NTM: variants seen among roughly 807,000 people sequenced by gnomAD.
The protein encoded by NTM is IgLON family member 2.
A neutral mutation model predicts 42.1 loss-of-function variants in NTM; 13 were observed. The observed-to-expected ratio is 0.31, with a 90% CI of 0.20 to 0.49. The LOEUF (loss-of-function observed/expected upper bound fraction) is 0.49. NTM is among the 20% of genes least tolerant of loss of function. The probability of loss-of-function intolerance (pLI) is 0.99; values close to 1 mark genes in which losing one functional copy is unlikely to be tolerated. For synonymous variants in NTM, 187 were observed against 179.2 expected, an observed-to-expected ratio of 1.04 and a Z score of -0.35; for missense variants, 373 against 452.8, an observed-to-expected ratio of 0.82 and a Z score of 1.60.
intron 4 of NTM, among the ~76,000 whole-genome samples, chr11:132,217,753 T>G (rs991422304): frequency 6.6e-6 from 1 of 152,018 alleles, no homozygotes; most frequent in African/African-American, 2.4e-5. Context: ...GACATTTGAC[T>G]GCCCTGTTTC....
rs149373750 is a variant in NTM at position 131,929,110 on chromosome 11, G to A, written c.167+17462G>A. ...TAAGTGGCCGCACAATGCAATGTCCGGTAGTGCTGAATGCTCTGAAGAGGA... is the reference window on the plus strand; with the variant it reads ...TAAGTGGCCGCACAATGCAATGTCCAGTAGTGCTGAATGCTCTGAAGAGGA... On this transcript the variant is annotated intron_variant, in intron 2 of 8. Coordinates refer to ENST00000683400, the MANE Select transcript of NTM (RefSeq NM_001352005.2). Among the ~76,000 whole-genome samples the A allele has an allele frequency of 2.8e-3, 423 of 152,360 alleles. 3 individuals carry two copies. The highest frequency in any genetic ancestry group is 9.4e-3 in the African/African-American group (389 of 41,586).
At chr11:132,077,512 C>T (rs1336881652) in intron 2 of NTM, among the ~76,000 whole-genome samples, 4 of 152,126 alleles carry the variant, frequency 2.6e-5, no homozygotes, top group Non-Finnish European at 4.4e-5. Flanking sequence ...CTTCAACCCC[C>T]ACTATCTAAC....
chr11:131,694,279 C>A (rs2075155215), intron 1 of NTM, among the ~76,000 whole-genome samples: 1 of 152,234 alleles, frequency 6.6e-6, no homozygotes, highest in Admixed American at 6.5e-5. Context: ...ACTTGTTACC[C>A]TTGCAGCATC....
At chr11:131,548,692 CTTTA>C (rs2054263380) in intron 1 of NTM, among the ~76,000 whole-genome samples, 1 of 152,128 alleles carries the variant, frequency 6.6e-6, no homozygotes, top group Non-Finnish European at 1.5e-5. Context: ...ACAAGTGTTG[CTTTA>C]TTTATTTATG....
At chr11:132,291,190 C>T (rs551805623) in intron 4 of NTM, among the ~76,000 whole-genome samples, 12 of 151,888 alleles carry the variant, frequency 7.9e-5, no homozygotes, top group African/African-American at 2.4e-4. Flanking sequence ...TCCAGCAGAC[C>T]CCTCCAGTTG....
At chr11:131,876,259 G>A (rs1447433608) in intron 1 of NTM, among the ~76,000 whole-genome samples, 3 of 152,218 alleles carry the variant, frequency 2.0e-5, no homozygotes, top group Non-Finnish European at 4.4e-5. Flanking sequence ...ACACTTGTGT[G>A]CGTGCAGTGA....
chr11:131,886,864 T>C (rs2050491086), intron 1 of NTM, among the ~76,000 whole-genome samples: 1 of 152,252 alleles, frequency 6.6e-6, no homozygotes, highest in Non-Finnish European at 1.5e-5. Flanking sequence ...GCTGGGATGA[T>C]ACTAAGACCT....
At chr11:131,902,507 T>C (rs1236396264) in intron 1 of NTM, among the ~76,000 whole-genome samples, 2 of 152,244 alleles carry the variant, frequency 1.3e-5, no homozygotes, top group African/African-American at 4.8e-5. Flanking sequence ...ATCCAGTTCC[T>C]GCTTCCCCAA....
intron 2 of NTM, among the ~76,000 whole-genome samples, chr11:131,981,803 G>C (rs543196239): frequency 1.3e-5 from 2 of 152,112 alleles, no homozygotes; most frequent in Non-Finnish European, 2.9e-5. Context: ...CTGAGGTCAG[G>C]AGTTCAAGAC....
At chr11:131,442,872 A>G (rs780671274) in intron 1 of NTM, among the ~76,000 whole-genome samples, 7 of 152,054 alleles carry the variant, frequency 4.6e-5, no homozygotes, top group African/African-American at 4.8e-5. Context: ...TCTTTATGCA[A>G]TCAATCATTG....
intron 2 of NTM, among the ~76,000 whole-genome samples, chr11:131,967,451 C>T (rs534478670): frequency 4.6e-5 from 7 of 152,078 alleles, no homozygotes; most frequent in Non-Finnish European, 8.8e-5. Context: ...GCAGAGACCA[C>T]GCTGAGGTCA....
chr11:131,834,146 CT>C (rs2043180110), intron 1 of NTM, among the ~76,000 whole-genome samples: 1 of 152,166 alleles, frequency 6.6e-6, no homozygotes, highest in South Asian at 2.1e-4. Flanking sequence ...TGTTTAGTCT[CT>C]GTTTAATTCT....
chr11:131,905,852 C>T (rs1341035864), intron 1 of NTM, among the ~76,000 whole-genome samples: 1 of 152,106 alleles, frequency 6.6e-6, no homozygotes, highest in African/African-American at 2.4e-5. Flanking sequence ...CTCCTAATAC[C>T]CCTTCCAGTG....
chr11:131,562,152 G>A (rs943312937), intron 1 of NTM, among the ~76,000 whole-genome samples: 2 of 152,168 alleles, frequency 1.3e-5, no homozygotes, highest in African/African-American at 4.8e-5. Context: ...GGAGGATGCA[G>A]CCAGTCAGGC....
At chr11:131,820,062 T>C (rs2093119971) in intron 1 of NTM, among the ~76,000 whole-genome samples, 1 of 152,342 alleles carries the variant, frequency 6.6e-6, no homozygotes, top group South Asian at 2.1e-4. Flanking sequence ...CTCACTTTTC[T>C]TATTAACTAA....
chr11:131,980,136 A>G (rs1323655918), intron 2 of NTM, among the ~76,000 whole-genome samples: 2 of 152,210 alleles, frequency 1.3e-5, no homozygotes, highest in African/African-American at 4.8e-5. Flanking sequence ...TCAAAGGAAA[A>G]TTCAAGGTAT....
intron 2 of NTM, among the ~76,000 whole-genome samples, chr11:132,006,823 C>A (rs2070902037): frequency 6.6e-6 from 1 of 152,216 alleles, no homozygotes; most frequent in African/African-American, 2.4e-5. Context: ...TAGCCTGGGG[C>A]ACCACTGTGG....
At chr11:131,598,587 G>T (rs1461857516) in intron 1 of NTM, among the ~76,000 whole-genome samples, 1 of 152,112 alleles carries the variant, frequency 6.6e-6, no homozygotes, top group Non-Finnish European at 1.5e-5. Context: ...GTCCCAGGCT[G>T]ATGGGAACTC....
chr11:131,704,274 A>G (rs1195669362), intron 1 of NTM, among the ~76,000 whole-genome samples: 1 of 152,170 alleles, frequency 6.6e-6, no homozygotes, highest in African/African-American at 2.4e-5. Flanking sequence ...CTGTGGATGC[A>G]AGCCCGAGGC....
Sources: gnomAD v4.1 joint callset for allele counts (sites outside exome capture counted in the v4.1 genomes callset) on GRCh38, gnomAD v4.1.1 for gene constraint, MANE v1.5 for transcripts, NCBI Gene and HGNC (gene_info 2026-07-23, HGNC 2026-07-21) for gene names.